COL9A3: variants seen among roughly 807,000 people sequenced by gnomAD.
The protein encoded by COL9A3 is collagen alpha-3(IX) chain.
In COL9A3, 82 loss-of-function variants were observed where a neutral mutation model predicts 110.2. The observed-to-expected ratio is 0.74, with a 90% CI of 0.62 to 0.89. COL9A3 has a LOEUF of 0.89. Among genes scored for constraint, COL9A3 ranks in the 40% least tolerant of loss-of-function variants. The pLI, the probability that COL9A3 is intolerant of heterozygous loss-of-function variation, is 0.00. For synonymous variants in COL9A3, 494 were observed against 403.8 expected, an observed-to-expected ratio of 1.22 and a Z score of -2.68; for missense variants, 1,066 against 981.3, an observed-to-expected ratio of 1.09 and a Z score of -1.15.
At chr20:62,835,551 G>A (rs755118841) in intron 26 of COL9A3, among the ~76,000 whole-genome samples, 10 of 152,180 alleles carry the variant, frequency 6.6e-5, no homozygotes, top group Non-Finnish European at 1.5e-4. Flanking sequence ...GACGCACCTG[G>A]GGCCAGTCAT....
intron 13 of COL9A3, 101 bp downstream of exon 13, chr20:62,825,971 G>T: frequency 7.3e-7 from 1 of 1,363,568 alleles, no homozygotes; most frequent in South Asian, 1.3e-5. Context: ...CTCCGGCTGG[G>T]GGGTGTTTGG....
chr20:62,827,786 C>G, intron 16 of COL9A3, 137 bp from the exon 17 acceptor site: 1 of 861,566 alleles, frequency 1.2e-6, no homozygotes, highest in Non-Finnish European at 2.0e-6. Flanking sequence ...CACCCACAGG[C>G]CCCAGGGTGG....
intron 2 of COL9A3, chr20:62,817,855 A>G: frequency 1.5e-6 from 1 of 670,510 alleles, no homozygotes; most frequent in Non-Finnish European, 2.8e-6. Context: ...CTCCACCCAG[A>G]ATGCCGGCAC....
chr20:62,828,942 G>C lies in COL9A3; in HGVS notation c.974G>C (p.Gly325Ala), dbSNP rs1329402584. Residue 325 changes from glycine to alanine, a missense_variant, in exon 19 of 32, where the codon GGT (glycine) becomes GCT (alanine). Transcript: ENST00000649368. ...DGQKGEAGRN[G>A]APGEKGPNGL... ...TCACAGGGAGAGGCTGGTCGCAACG[G>C]TGCTCCGGGAGAGAAGGGCCCCAAC... is the stretch of plus-strand genomic sequence containing the variant. The C allele has an allele frequency of 2.5e-6, 4 of 1,611,282 alleles. No individual in the cohort carries two copies. Among genetic ancestry groups the C allele is most frequent in the Non-Finnish European group, 3.4e-6 (4 of 1,179,696 alleles).
chr20:62,833,977 G>A (rs1032577193), intron 26 of COL9A3, among the ~76,000 whole-genome samples: 9 of 151,892 alleles, frequency 5.9e-5, no homozygotes, highest in Middle Eastern at 3.4e-3. Flanking sequence ...CAGTTCAAGC[G>A]ATTCTCCTGC....
At chr20:62,821,674 T>G in intron 7 of COL9A3, 83 bp from the exon 8 acceptor site, 1 of 1,543,962 alleles carries the variant, frequency 6.5e-7, no homozygotes, top group Non-Finnish European at 8.9e-7. Flanking sequence ...CCCTCTCCCT[T>G]CGGAGGCGGC....
At chr20:62,823,672 A>G (rs2063527906) in intron 10 of COL9A3, among the ~76,000 whole-genome samples, 4 of 152,238 alleles carry the variant, frequency 2.6e-5, no homozygotes, top group Admixed American at 2.6e-4. Context: ...TGGCCTGCCC[A>G]TTGCAGCTGT....
At chr20:62,823,022 C>G (rs914619133) in intron 10 of COL9A3, among the ~76,000 whole-genome samples, 1 of 151,980 alleles carries the variant, frequency 6.6e-6, no homozygotes, top group Non-Finnish European at 1.5e-5. Context: ...GATCTTTGAG[C>G]CTTGTCATTT....
chr20:62,827,321 G>A (rs1316715875), intron 16 of COL9A3, 27 bp downstream of exon 16: 7 of 1,610,714 alleles, frequency 4.3e-6, no homozygotes, highest in Admixed American at 3.3e-5. Flanking sequence ...TTGGTTCCCT[G>A]GGTCCTTATG....
rs1037681505 is a variant in COL9A3 at position 62,840,689 on chromosome 20, T to C, written c.2012T>C (p.Val671Ala). 5 of 1,599,514 alleles carry C rather than the reference T, an allele frequency of 3.1e-6. No homozygotes were observed. The African/African-American group carries it at 6.7e-5, about 21-fold the overall frequency. The change falls in exon 32 of 32, where the codon GTG (valine) becomes GCG (alanine). Residue 671 changes from valine to alanine, a missense_variant. Physicochemically the swap from Val to Ala is moderately conservative, Grantham distance 64. Coordinates refer to ENST00000649368, the MANE Select transcript of COL9A3 (RefSeq NM_001853.4). ...GACACCTCAGCCTGCCAAGGAGCCG[T>C]GTTAGGAGGGGTCGGGGAGAAATCA... is the stretch of plus-strand genomic sequence containing the variant. The part of the protein sequence containing the change: ...ICDTSACQGA[V>A]LGGVGEKSGS...
intron 9 of COL9A3, 42 bp from the exon 10 acceptor site, chr20:62,822,549 T>C: frequency 6.2e-7 from 1 of 1,603,776 alleles, no homozygotes; most frequent in South Asian, 1.1e-5. Flanking sequence ...TGCAGGTGGC[T>C]GGGGAGGGCG....
chr20:62,817,534 C>T, intron 1 of COL9A3, 33 bp from the exon 2 acceptor site: 3 of 1,480,848 alleles, frequency 2.0e-6, no homozygotes, highest in Non-Finnish European at 2.8e-6. Context: ...CACGGGGGCA[C>T]CTGCGCTCCT....
Position 62,840,683 on chromosome 20 carries a change from GA to G in COL9A3, c.2007del (p.Ala670ProfsTer3), listed in dbSNP as rs1486575274. On this transcript the variant is annotated frameshift_variant, in exon 32 of 32. Transcript: ENST00000649368. LOFTEE classifies it high-confidence loss of function. ...ATCTGCGACACCTCAGCCTGCCAAG[GA>G]GCCGTGTTAGGAGGGGTCGGGGAGA... ...PGICDTSACQ[G>X]AVLGGVGEKS... 1.9e-6 allele frequency: 3 copies of G among 1,602,102 alleles called. 1 individual carries two copies. The Admixed American group carries it at 5.2e-5, about 28-fold the overall frequency.
intron 1 of COL9A3, 154 bp downstream of exon 1, chr20:62,817,296 T>A (rs1470947076): frequency 3.8e-6 from 2 of 528,454 alleles, no homozygotes; most frequent in East Asian, 7.9e-5. Context: ...ATGAGCCCCG[T>A]CCGGCCGCGT....
In COL9A3 at chr20:62,837,168, G is replaced by T; in HGVS notation, c.1689G>T (p.Gly563=). 2 of 1,612,922 alleles carry T rather than the reference G, an allele frequency of 1.2e-6. No homozygotes were observed. Among genetic ancestry groups the T allele is most frequent in the East Asian group, 2.2e-5 (1 of 44,874 alleles). The change falls in exon 30 of 32, where the codon GGG becomes GGT. Residue 563 remains glycine (G), a synonymous_variant. Coordinates refer to ENST00000649368, the MANE Select transcript of COL9A3 (RefSeq NM_001853.4). ...GGCCCGGTCCAGCTGGCCCCCCTGG[G>T]CCCCCAGGACCCCCAGGCTCCATTG... is the stretch of plus-strand genomic sequence containing the variant. ...IGRPGPAGPP[G]PPGPPGSIGH...
chr20:62,817,624 G>A lies in COL9A3; in HGVS notation c.136G>A (p.Asp46Asn). 6.5e-7 allele frequency: 1 copy of A among 1,541,062 alleles called. No homozygotes were observed. Among genetic ancestry groups the A allele is most frequent in the Non-Finnish European group, 8.8e-7 (1 of 1,141,988 alleles). The part of the protein sequence containing the change: ...PPGPPGKPGQ[D>N]GIDGEAGPPG... ...AGGGCCGCCCGGGAAGCCCGGCCAG[G>A]ACGGCATTGACGTGAGTTTGGGGGT... Residue 46 changes from aspartate (D) to asparagine (N), a missense_variant, in exon 2 of 32, where the codon GAC becomes AAC. Physicochemically the swap from Asp to Asn is conservative, Grantham distance 23. Transcript: ENST00000649368.
At chr20:62,821,313 C>G in intron 6 of COL9A3, 97 bp downstream of exon 6, 1 of 1,399,818 alleles carries the variant, frequency 7.1e-7, no homozygotes, top group East Asian at 2.3e-5. Flanking sequence ...CAGGGACCAT[C>G]CCTGGCCCTC....
At chr20:62,833,217 G>C (rs2063610043) in intron 26 of COL9A3, among the ~76,000 whole-genome samples, 153 bp downstream of exon 26, 1 of 152,210 alleles carries the variant, frequency 6.6e-6, no homozygotes. Context: ...GCAGGGTCGG[G>C]CAGAGGCCTT....
chr20:62,826,113 C>A, intron 13 of COL9A3, 91 bp from the exon 14 acceptor site: 1 of 1,373,844 alleles, frequency 7.3e-7, no homozygotes, highest in Non-Finnish European at 1.0e-6. Context: ...GACACCAGGG[C>A]TCCCAGGGGT....
Sources: allele counts gnomAD v4.1 joint callset (sites outside exome capture counted in the v4.1 genomes callset), GRCh38; gene constraint gnomAD v4.1.1; transcripts MANE v1.5; gene names NCBI Gene and HGNC (gene_info 2026-07-23, HGNC 2026-07-21).